Variants in NBEA observed in about 807,000 individuals in gnomAD.
The protein encoded by NBEA is neurobeachin.
Under a neutral mutation model 343.4 loss-of-function variants are expected in NBEA, and 44 were observed. The ratio of observed to expected loss-of-function variants is 0.13; its 90% CI spans 0.10 to 0.16. NBEA has a LOEUF of 0.16. Among genes scored for constraint, NBEA ranks in the 10% least tolerant of loss-of-function variants. The pLI is 1.00. For synonymous variants in NBEA, 1,175 were observed against 1,238.7 expected, an observed-to-expected ratio of 0.95 and a Z score of 1.08; for missense variants, 2,555 against 3,631.3, an observed-to-expected ratio of 0.70 and a Z score of 7.62.
rs562743890 is a variant in NBEA at position 35,671,092 on chromosome 13, G to T, written c.*101G>T. 5 of 744,394 alleles carry T rather than the reference G, an allele frequency of 6.7e-6. No homozygotes were observed. The highest frequency in any genetic ancestry group is 1.1e-5 in the Non-Finnish European group (5 of 439,548). The allele number at this position is 744,394 out of a possible 1,614,324, so 46.1% of individuals were successfully genotyped here. A position where few individuals can be genotyped will look rare whatever the true frequency, so the allele number is the denominator to read the frequency against. ...AAAAAACTCGTCTACATCGACCTCC[G>T]TTTGTACATTCCATCACACCCAGCA... On this transcript the variant is annotated 3_prime_UTR_variant, in exon 59 of 59. Coordinates refer to ENST00000379939, the MANE Select transcript of NBEA (RefSeq NM_001385012.1).
At chr13:34,956,230 T>G (rs1334483860) in intron 1 of NBEA, among the ~76,000 whole-genome samples, 1 of 152,190 alleles carries the variant, frequency 6.6e-6, no homozygotes, top group Non-Finnish European at 1.5e-5. Context: ...CATTTTAACA[T>G]TTGGCATTTA....
In NBEA at chr13:35,109,459, TATTC is replaced by T. The variant is rs2066076224; in HGVS notation, c.1833+19_1833+22del. ...CCTGCAAAGGTATGAATTTTATACT[TATTC>T]AGTTTGATTTAGTGTAATGTTATAC... On this transcript the variant is annotated intron_variant, in intron 12 of 58. Transcript: ENST00000379939. The T allele has an allele frequency of 6.3e-7, 1 of 1,577,102 alleles. No individual in the cohort carries two copies. Among genetic ancestry groups the T allele is most frequent in the African/African-American group, 1.4e-5 (1 of 73,354 alleles).
At chr13:35,214,818 T>G (rs1421200025) in intron 33 of NBEA, among the ~76,000 whole-genome samples, 1 of 151,820 alleles carries the variant, frequency 6.6e-6, no homozygotes, top group African/African-American at 2.4e-5. Flanking sequence ...AATAAAAGTT[T>G]TGTAGTTTTA....
chr13:35,353,434 CA>C (rs369733476), intron 38 of NBEA, among the ~76,000 whole-genome samples: 9 of 141,978 alleles, frequency 6.3e-5, no homozygotes, highest in Non-Finnish European at 9.3e-5. Context: ...GACTTTGTCT[CA>C]AAAAAAAAAG....
chr13:34,964,731 A>T (rs1029126489), intron 1 of NBEA, among the ~76,000 whole-genome samples: 1 of 152,030 alleles, frequency 6.6e-6, no homozygotes, highest in Non-Finnish European at 1.5e-5. Context: ...ATGGGCCACA[A>T]GGAGCAGGGC....
chr13:35,388,554 T>C (rs2042357090), intron 38 of NBEA, among the ~76,000 whole-genome samples: 1 of 152,228 alleles, frequency 6.6e-6, no homozygotes, highest in African/African-American at 2.4e-5. Flanking sequence ...CTGTATTTAC[T>C]TGCCAGTACT....
chr13:35,612,686 C>T (rs193133134), intron 48 of NBEA, among the ~76,000 whole-genome samples: 1 of 152,116 alleles, frequency 6.6e-6, no homozygotes, highest in Admixed American at 6.5e-5. Flanking sequence ...GTGTTATACC[C>T]CAAATTTTTT....
At chr13:35,300,864 T>A (rs1399675129) in intron 35 of NBEA, among the ~76,000 whole-genome samples, 4 of 152,212 alleles carry the variant, frequency 2.6e-5, no homozygotes, top group Admixed American at 6.5e-5. Context: ...TTTTTTTCTT[T>A]ATACTTATGC....
intron 14 of NBEA, among the ~76,000 whole-genome samples, 176 bp downstream of exon 14, chr13:35,117,669 C>T (rs181879079): frequency 6.6e-6 from 1 of 151,918 alleles, no homozygotes; most frequent in African/African-American, 2.4e-5. Context: ...ATTAAATGCT[C>T]TCTGAAATCT....
At chr13:35,454,347 A>C (rs1411302732) in intron 40 of NBEA, among the ~76,000 whole-genome samples, 1 of 152,234 alleles carries the variant, frequency 6.6e-6, no homozygotes, top group Admixed American at 6.5e-5. Flanking sequence ...CAGAATTCTT[A>C]GGTTTAAGAA....
chr13:35,258,830 A>G (rs1213846071), intron 34 of NBEA, among the ~76,000 whole-genome samples: 1 of 152,194 alleles, frequency 6.6e-6, no homozygotes, highest in African/African-American at 2.4e-5. Flanking sequence ...TTCAGTGGAA[A>G]CTGTACTTCA....
Position 35,142,250 on chromosome 13 carries a change from T to A in NBEA, c.2337-19T>A. 5.2e-6 allele frequency: 8 copies of A among 1,547,054 alleles called. No homozygotes were observed. Among genetic ancestry groups the A allele is most frequent in the Non-Finnish European group, 7.1e-6 (8 of 1,122,426 alleles). ...TCCAATGTGTTTCATGGTGTTTTAT[T>A]TTTCCTCCTTCTCTCCAGGAGAAAA... On this transcript the variant is annotated intron_variant, in intron 17 of 58. Transcript: ENST00000379939.
At position 35,519,622 on chromosome 13, in the gene NBEA, T is replaced by C. The variant is rs556605036; in HGVS notation, c.6586-30855T>C. ...TTTCTTACAGAAGAAATGAAGAGTA[T>C]AATTCATTTATTTTTTTTAAATTTT... On this transcript the variant is annotated intron_variant, in intron 41 of 58. Transcript: ENST00000379939. Among the ~76,000 whole-genome samples, 4 of 152,340 alleles carry C rather than the reference T, an allele frequency of 2.6e-5. No individual in the cohort carries two copies. The East Asian group carries it at 7.7e-4, about 29-fold the overall frequency.
Position 34,984,117 on chromosome 13 carries a change from C to A in NBEA, c.294+41003C>A, listed in dbSNP as rs538630371. ...AGTCATGAAGTCCTTGCCCATGCCT[C>A]TTTCCTGAATGGTATTGCCTAGGTT... On this transcript the variant is annotated intron_variant, in intron 1 of 58. Coordinates refer to ENST00000379939, the MANE Select transcript of NBEA (RefSeq NM_001385012.1). Among the ~76,000 whole-genome samples, 29 of 152,204 alleles carry A rather than the reference C, an allele frequency of 1.9e-4. No individual in the cohort carries two copies. The South Asian group carries it at 3.7e-3, about 20-fold the overall frequency.
intron 29 of NBEA, 140 bp from the exon 30 acceptor site, chr13:35,183,836 T>C: frequency 1.8e-6 from 1 of 562,756 alleles, no homozygotes; most frequent in Non-Finnish European, 3.1e-6. Context: ...ATACATAAAC[T>C]CTTTTCTTCA....
chr13:35,161,438 T>C (rs988680019), intron 22 of NBEA, among the ~76,000 whole-genome samples: 3 of 152,192 alleles, frequency 2.0e-5, no homozygotes, highest in Non-Finnish European at 2.9e-5. Context: ...GGAAGTAATG[T>C]GGTCTAATTT....
rs2084924554 is a variant in NBEA, at chr13:35,658,537, C to CT, written c.8362+2791dup. On this transcript the variant is annotated intron_variant, in intron 55 of 58. Coordinates refer to ENST00000379939, the MANE Select transcript of NBEA (RefSeq NM_001385012.1). Reference sequence around the variant, plus strand: ...AATGCTGCAAAGTCACAACCTCTGACTTTCTAGAGTTTACAAGAATCTACT... The same window carrying CT: ...AATGCTGCAAAGTCACAACCTCTGACTTTTCTAGAGTTTACAAGAATCTACT... Among the ~76,000 whole-genome samples, 4 of 152,280 alleles carry CT rather than the reference C, an allele frequency of 2.6e-5. No homozygotes were observed. In the South Asian group the frequency reaches 8.3e-4, roughly 32 times the overall value.
chr13:35,028,356 A>G (rs930683306), intron 1 of NBEA, among the ~76,000 whole-genome samples: 2 of 151,914 alleles, frequency 1.3e-5, no homozygotes, highest in African/African-American at 4.8e-5. Context: ...TTTGTTGTTA[A>G]GAATGATAGT....
At chr13:35,298,283 A>G (rs2036294514) in intron 35 of NBEA, among the ~76,000 whole-genome samples, 1 of 147,492 alleles carries the variant, frequency 6.8e-6, no homozygotes, top group Admixed American at 6.8e-5. Flanking sequence ...AATGTAGTCC[A>G]AAAGTACAAG....
Sources: allele counts gnomAD v4.1 joint callset (sites outside exome capture counted in the v4.1 genomes callset), GRCh38; gene constraint gnomAD v4.1.1; transcripts MANE v1.5; gene names NCBI Gene and HGNC (gene_info 2026-07-23, HGNC 2026-07-21).